Variants in SCN8A observed in about 807,000 individuals in gnomAD.
The protein encoded by SCN8A is sodium channel protein type 8 subunit alpha.
A neutral mutation model predicts 184.1 loss-of-function variants in SCN8A; 30 were observed. That is an observed-to-expected ratio of 0.16 (90% confidence interval 0.12 to 0.22). SCN8A has a LOEUF of 0.22. Among genes scored for constraint, SCN8A ranks in the 10% least tolerant of loss-of-function variants. The pLI, the probability that SCN8A is intolerant of heterozygous loss-of-function variation, is 1.00. For synonymous variants in SCN8A, 852 were observed against 907.0 expected, an observed-to-expected ratio of 0.94 and a Z score of 1.09; for missense variants, 1,057 against 2,498.9, an observed-to-expected ratio of 0.42 and a Z score of 12.30.
chr12:51,620,644 A>G (rs961260369), intron 1 of SCN8A, among the ~76,000 whole-genome samples: 3 of 151,986 alleles, frequency 2.0e-5, no homozygotes, highest in Admixed American at 6.6e-5. Context: ...TGGAATTTCT[A>G]TTTTGAATTT....
chr12:51,700,265 C>T (rs896208510), intron 7 of SCN8A, among the ~76,000 whole-genome samples: 5 of 152,058 alleles, frequency 3.3e-5, no homozygotes, highest in Admixed American at 6.6e-5. Flanking sequence ...CTTTCCTCGA[C>T]GTAGGATTGT....
At chr12:51,674,619 G>A (rs1417743195) in intron 2 of SCN8A, among the ~76,000 whole-genome samples, 1 of 152,144 alleles carries the variant, frequency 6.6e-6, no homozygotes, top group Non-Finnish European at 1.5e-5. Context: ...ACAGGCGTGA[G>A]CCACTGCACC....
chr12:51,636,862 A>G (rs1940329326), intron 1 of SCN8A, among the ~76,000 whole-genome samples: 1 of 152,256 alleles, frequency 6.6e-6, no homozygotes, highest in South Asian at 2.1e-4. Context: ...ACATAAATAT[A>G]AAACGATACA....
chr12:51,766,402 G>A (rs1222987698), intron 16 of SCN8A, among the ~76,000 whole-genome samples: 1 of 152,102 alleles, frequency 6.6e-6, no homozygotes, highest in Non-Finnish European at 1.5e-5. Context: ...TGGTGCTATT[G>A]ACATCTTGGG....
rs570197791 is a variant in SCN8A, at chr12:51,810,337, C to T, written c.*2908C>T. 34 of 382,796 alleles carry T rather than the reference C, an allele frequency of 8.9e-5. 1 individual carries two copies. In the East Asian group the frequency reaches 3.5e-3, roughly 40 times the overall value. The allele number at this position is 382,796 out of a possible 1,614,324, so 23.7% of individuals were successfully genotyped here. The stretch of plus-strand genomic sequence containing the variant: ...CTCACTCACTCTCTCACCCATCCTG[C>T]TCCACACTTCTTTGGTAGTAAATGA... On this transcript the variant is annotated 3_prime_UTR_variant, in exon 27 of 27. Transcript: ENST00000627620.
intron 17 of SCN8A, 53 bp downstream of exon 17, chr12:51,769,388 G>A (rs199546729): frequency 1.6e-4 from 219 of 1,335,620 alleles, no homozygotes; most frequent in Middle Eastern, 5.1e-4. Flanking sequence ...CAAACAGGGT[G>A]CTGTCAGCCT....
In SCN8A at chr12:51,765,872, C is replaced by T; in HGVS notation, c.2746C>T (p.Arg916Cys). Residue 916 changes from arginine (R) to cysteine (C), a missense_variant, in exon 16 of 27, where the codon CGC becomes TGC. By Grantham distance (180) the Arg-to-Cys change is radical. Coordinates refer to ENST00000627620, the MANE Select transcript of SCN8A (RefSeq NM_001330260.2). Reference protein sequence around the residue: ...CKINQDCELPRWHMHDFFHSF... With the variant: ...CKINQDCELPCWHMHDFFHSF... ...GATCAACCAGGACTGTGAACTCCCTCGCTGGCATATGCATGACTTTTTCCA... is the reference window on the plus strand; with the variant it reads ...GATCAACCAGGACTGTGAACTCCCTTGCTGGCATATGCATGACTTTTTCCA... The T allele has an allele frequency of 6.2e-7, 1 of 1,614,048 alleles. No individual in the cohort carries two copies. The highest frequency in any genetic ancestry group is 8.5e-7 in the Non-Finnish European group (1 of 1,179,984).
chr12:51,674,743 G>A lies in SCN8A; in HGVS notation c.277-9431G>A, dbSNP rs1346964325. The stretch of plus-strand genomic sequence containing the variant: ...AGCATCATAACCACATTTAACGAGT[G>A]CCTGTTCTGTACCAGCCACTGTGTT... On this transcript the variant is annotated intron_variant, in intron 2 of 26. Coordinates refer to ENST00000627620, the MANE Select transcript of SCN8A (RefSeq NM_001330260.2). Among the ~76,000 whole-genome samples the A allele has an allele frequency of 3.3e-5, 5 of 152,186 alleles. No individual in the cohort carries two copies. The East Asian group carries it at 9.6e-4, about 29-fold the overall frequency.
At chr12:51,645,877 T>C (rs59643263) in intron 1 of SCN8A, among the ~76,000 whole-genome samples, 8,568 of 148,490 alleles carry the variant, frequency 0.058, 366 homozygotes, top group East Asian at 0.13. Context: ...GTTTATCTGC[T>C]GACCTTCCCT....
chr12:51,735,057 G>T (rs913762398), intron 12 of SCN8A, among the ~76,000 whole-genome samples: 1 of 152,090 alleles, frequency 6.6e-6, no homozygotes, highest in African/African-American at 2.4e-5. Flanking sequence ...CCTAAATTTT[G>T]ATCTTATTAA....
intron 11 of SCN8A, among the ~76,000 whole-genome samples, chr12:51,720,638 A>G (rs1942037755): frequency 1.3e-5 from 2 of 152,126 alleles, no homozygotes; most frequent in African/African-American, 4.8e-5. Context: ...AAATAAATAC[A>G]TAAATAAAAT....
At chr12:51,632,051 G>T (rs569499349) in intron 1 of SCN8A, among the ~76,000 whole-genome samples, 1 of 152,294 alleles carries the variant, frequency 6.6e-6, no homozygotes, top group African/African-American at 2.4e-5. Context: ...TTTTAAAAAT[G>T]CTTTTCCCAG....
In SCN8A at chr12:51,706,377, G is replaced by T. The variant is rs771393022; in HGVS notation, c.1342-45G>T. On this transcript the variant is annotated intron_variant, in intron 10 of 26. Transcript: ENST00000627620. ...AACTGGTTGGCTTTGGGTGGCTCCA[G>T]TTAATTGCCCTGGTCTGGCTTCCCT... 12 of 1,484,598 alleles carry T rather than the reference G, an allele frequency of 8.1e-6. No individual in the cohort carries two copies. In the East Asian group the frequency reaches 2.9e-4, roughly 36 times the overall value. 92.0% of individuals were successfully genotyped at this position (1,484,598 alleles called of 1,614,324 possible). A position where few individuals can be genotyped will look rare whatever the true frequency, so the allele number is the denominator to read the frequency against.
chr12:51,802,173 CAG>C (rs1285645769), intron 26 of SCN8A, among the ~76,000 whole-genome samples: 2 of 152,104 alleles, frequency 1.3e-5, no homozygotes, highest in South Asian at 2.1e-4. Context: ...TAGAAACAAA[CAG>C]GGGTGTTGGG....
chr12:51,623,830 G>C (rs1940017742), intron 1 of SCN8A, among the ~76,000 whole-genome samples: 1 of 151,866 alleles, frequency 6.6e-6, no homozygotes, highest in African/African-American at 2.4e-5. Context: ...TGTTCTCATT[G>C]TTCAATTCCC....
intron 15 of SCN8A, among the ~76,000 whole-genome samples, chr12:51,764,255 T>G (rs1218866503): frequency 6.6e-6 from 1 of 152,236 alleles, no homozygotes; most frequent in Non-Finnish European, 1.5e-5. Flanking sequence ...CATTCTATGT[T>G]AGTTATTTGT....
In SCN8A at chr12:51,624,181, C is replaced by G. The variant is rs182358853; in HGVS notation, c.-55+32822C>G. 3.4e-3 allele frequency among the ~76,000 whole-genome samples: 513 copies of G among 152,234 alleles called. 3 individuals carry two copies. Among genetic ancestry groups the G allele is most frequent in the South Asian group, 1.0e-2 (48 of 4,820 alleles). On this transcript the variant is annotated intron_variant, in intron 1 of 26. Transcript: ENST00000627620. ...TTCTAGTTCAAGATCCCTGAGGAAT[C>G]GCCACACTGACTTCCACAAGGGTTG...
At chr12:51,594,591 A>G (rs915432622) in intron 1 of SCN8A, among the ~76,000 whole-genome samples, 4 of 152,232 alleles carry the variant, frequency 2.6e-5, no homozygotes, top group African/African-American at 9.6e-5. Flanking sequence ...CTAAAGCTAT[A>G]CTATATAGAA....
chr12:51,727,515 C>T (rs1311476255), intron 12 of SCN8A, among the ~76,000 whole-genome samples: 1 of 152,108 alleles, frequency 6.6e-6, no homozygotes, highest in Non-Finnish European at 1.5e-5. Context: ...GCCCTCTTCC[C>T]ACTGCCAGGT....
Sources: gnomAD v4.1 joint callset for allele counts (sites outside exome capture counted in the v4.1 genomes callset) on GRCh38, gnomAD v4.1.1 for gene constraint, MANE v1.5 for transcripts, NCBI Gene and HGNC (gene_info 2026-07-23, HGNC 2026-07-21) for gene names.